KCNH7: variants seen among roughly 807,000 people sequenced by gnomAD.
KCNH7 encodes the protein voltage-gated inwardly rectifying potassium channel KCNH7.
A neutral mutation model predicts 120.8 loss-of-function variants in KCNH7; 49 were observed. The ratio of observed to expected loss-of-function variants is 0.41; its 90% CI spans 0.32 to 0.51. The LOEUF is 0.51. Ranked by LOEUF, KCNH7 falls within the 20% of genes least tolerant of loss-of-function variation. The pLI, the probability that KCNH7 is intolerant of heterozygous loss-of-function variation, is 0.38. For missense variants in KCNH7, 1,097 were observed against 1,446.6 expected, an observed-to-expected ratio of 0.76 and a Z score of 3.92; for synonymous variants, 547 against 516.1, an observed-to-expected ratio of 1.06 and a Z score of -0.81.
At chr2:162,499,914 T>C (rs1690618734) in intron 6 of KCNH7, among the ~76,000 whole-genome samples, 1 of 152,018 alleles carries the variant, frequency 6.6e-6, no homozygotes, top group Admixed American at 6.6e-5. Context: ...CCCCAAACAC[T>C]ATCCCAAACT....
intron 2 of KCNH7, among the ~76,000 whole-genome samples, chr2:162,575,272 C>A (rs919661311): frequency 2.0e-5 from 3 of 152,036 alleles, no homozygotes; most frequent in African/African-American, 7.2e-5. Context: ...GAATAATTGG[C>A]CTTCTGCCTT....
At chr2:162,573,331 C>A (rs1191965820) in intron 2 of KCNH7, among the ~76,000 whole-genome samples, 1 of 151,872 alleles carries the variant, frequency 6.6e-6, no homozygotes, top group Non-Finnish European at 1.5e-5. Flanking sequence ...CAGTGTCTAA[C>A]CACTCAAGGG....
chr2:162,551,261 A>T (rs1254201322), intron 2 of KCNH7, among the ~76,000 whole-genome samples: 1 of 152,202 alleles, frequency 6.6e-6, no homozygotes, highest in East Asian at 1.9e-4. Context: ...ATTCCAGGGG[A>T]ACCCTCAAAG....
rs1479128332 is a variant in KCNH7, at chr2:162,413,939, TGCAAAAAATGCTAC to T, written c.2154+9383_2154+9396del. Among the ~76,000 whole-genome samples the T allele has an allele frequency of 2.0e-5, 3 of 151,806 alleles. No individual in the cohort carries two copies. In the East Asian group the frequency reaches 5.8e-4, roughly 29 times the overall value. On this transcript the variant is annotated intron_variant, in intron 9 of 15. Coordinates refer to ENST00000332142, the MANE Select transcript of KCNH7 (RefSeq NM_033272.4). ...AATACGGAAAAAATAATGGAAAATA[TGCAAAAAATGCTAC>T]GAATGGGCAATTCATAGAATAAAAA...
At chr2:162,803,089 A>G (rs1286918560) in intron 2 of KCNH7, among the ~76,000 whole-genome samples, 1 of 151,816 alleles carries the variant, frequency 6.6e-6, no homozygotes, top group Non-Finnish European at 1.5e-5. Context: ...ACAAAATGCT[A>G]TCCTAGCTCT....
At chr2:162,763,969 T>C (rs148061203) in intron 2 of KCNH7, among the ~76,000 whole-genome samples, 2 of 152,118 alleles carry the variant, frequency 1.3e-5, no homozygotes, top group East Asian at 3.9e-4. Flanking sequence ...GTGTGTGAAA[T>C]GTGTGTTTGT....
chr2:162,786,602 G>A (rs1239704965), intron 2 of KCNH7, among the ~76,000 whole-genome samples: 2 of 152,246 alleles, frequency 1.3e-5, no homozygotes, highest in East Asian at 1.9e-4. Context: ...AAGTTTCAAT[G>A]TATTTAAAGC....
chr2:162,553,614 G>A (rs559240764), intron 2 of KCNH7, among the ~76,000 whole-genome samples: 9 of 151,934 alleles, frequency 5.9e-5, no homozygotes, highest in Admixed American at 3.9e-4. Flanking sequence ...GCGCCACTGC[G>A]GTCCATCCTG....
At chr2:162,800,797 C>A (rs942472141) in intron 2 of KCNH7, among the ~76,000 whole-genome samples, 10 of 151,854 alleles carry the variant, frequency 6.6e-5, no homozygotes, top group Non-Finnish European at 1.3e-4. Flanking sequence ...GCCTTTGACA[C>A]CCTTATGATG....
chr2:162,764,338 A>G (rs889054708), intron 2 of KCNH7, among the ~76,000 whole-genome samples: 3 of 152,112 alleles, frequency 2.0e-5, no homozygotes, highest in African/African-American at 7.2e-5. Flanking sequence ...GTCATATTTT[A>G]TATATGTATT....
chr2:162,585,241 C>A (rs1693988983), intron 2 of KCNH7, among the ~76,000 whole-genome samples: 1 of 152,018 alleles, frequency 6.6e-6, no homozygotes, highest in African/African-American at 2.4e-5. Context: ...CCATACGTTT[C>A]TTGATTTCTG....
intron 2 of KCNH7, among the ~76,000 whole-genome samples, chr2:162,834,730 C>T (rs967203365): frequency 6.6e-6 from 1 of 152,056 alleles, no homozygotes; most frequent in Non-Finnish European, 1.5e-5. Flanking sequence ...TTTACACACC[C>T]ACATTGCACA....
intron 2 of KCNH7, among the ~76,000 whole-genome samples, chr2:162,721,762 A>G (rs1687331197): frequency 6.6e-6 from 1 of 152,108 alleles, no homozygotes; most frequent in Non-Finnish European, 1.5e-5. Flanking sequence ...GGAAATTAAA[A>G]AATTTCAGGT....
At chr2:162,642,510 T>C (rs1187066856) in intron 2 of KCNH7, among the ~76,000 whole-genome samples, 1 of 152,196 alleles carries the variant, frequency 6.6e-6, no homozygotes, top group Non-Finnish European at 1.5e-5. Flanking sequence ...AGATTCTCAG[T>C]TTAGCTAATC....
intron 5 of KCNH7, among the ~76,000 whole-genome samples, chr2:162,510,719 G>GT (rs1363801466): frequency 6.6e-6 from 1 of 151,518 alleles, no homozygotes; most frequent in Admixed American, 6.6e-5. Flanking sequence ...GCATTTTTTA[G>GT]TTTTTTATTT....
intron 2 of KCNH7, among the ~76,000 whole-genome samples, chr2:162,806,592 A>T (rs1171911567): frequency 1.3e-5 from 2 of 152,188 alleles, no homozygotes; most frequent in Non-Finnish European, 2.9e-5. Flanking sequence ...TCTGCTACTC[A>T]GTGTTACAAT....
chr2:162,759,860 T>G (rs988892523), intron 2 of KCNH7, among the ~76,000 whole-genome samples: 6 of 152,196 alleles, frequency 3.9e-5, no homozygotes, highest in Admixed American at 1.3e-4. Context: ...AATGTGTATT[T>G]GCTTCCACTA....
At position 162,536,969 on chromosome 2, in the gene KCNH7, G is replaced by T. The variant is rs936920421; in HGVS notation, c.419C>A (p.Thr140Asn). 5 of 1,612,798 alleles carry T rather than the reference G, an allele frequency of 3.1e-6. No homozygotes were observed. Among genetic ancestry groups the T allele is most frequent in the South Asian group, 2.2e-5 (2 of 91,038 alleles). ...EYVTDNENAA[T>N]PERVNPILPI... Reference sequence around the variant, plus strand: ...TAATATTGGGTTTACCCTCTCTGGGGTGGCAGCGTTTTCATTATCCGTCAC... The same window carrying T: ...TAATATTGGGTTTACCCTCTCTGGGTTGGCAGCGTTTTCATTATCCGTCAC... The change falls in exon 3 of 16, where the codon ACC becomes AAC. Residue 140 changes from threonine to asparagine, a missense_variant. This residue lies in a region of KCNH7 where 362 missense variants were observed against 372.2 expected (regional missense o/e 0.97). Coordinates refer to ENST00000332142, the MANE Select transcript of KCNH7 (RefSeq NM_033272.4).
chr2:162,733,604 T>C (rs1687804499), intron 2 of KCNH7, among the ~76,000 whole-genome samples: 1 of 152,128 alleles, frequency 6.6e-6, no homozygotes, highest in South Asian at 2.1e-4. Flanking sequence ...GAGCCAAAAG[T>C]GATTGTTATT....
Sources: gnomAD v4.1 joint callset for allele counts (sites outside exome capture counted in the v4.1 genomes callset) on GRCh38, gnomAD v4.1.1 for gene constraint, gnomAD v4.1.1 regional missense constraint, MANE v1.5 for transcripts, NCBI Gene and HGNC (gene_info 2026-07-23, HGNC 2026-07-21) for gene names.